The following TRAF3IP2 variants were observed in gnomAD, a reference collection of about 807,000 sequenced individuals.
TRAF3IP2 encodes the protein E3 ubiquitin ligase TRAF3IP2.
A neutral mutation model predicts 57.9 loss-of-function variants in TRAF3IP2; 35 were observed. The observed-to-expected ratio is 0.60, with a 90% CI of 0.46 to 0.80. The LOEUF (loss-of-function observed/expected upper bound fraction) is 0.80. TRAF3IP2 is among the 30% of genes least tolerant of loss of function. The pLI, the probability that TRAF3IP2 is intolerant of heterozygous loss-of-function variation, is 0.00. For synonymous variants in TRAF3IP2, 251 were observed against 268.9 expected (o/e 0.93, Z 0.65); for missense variants, 556 against 706.4 (o/e 0.79, Z 2.41).
intron 6 of TRAF3IP2, chr6:111,567,323 C>T (rs1047354957): frequency 2.7e-6 from 3 of 1,116,588 alleles, no homozygotes; most frequent in African/African-American, 1.6e-5. Flanking sequence ...TTCTGCTGCT[C>T]TCTCCCCACT....
intron 1 of TRAF3IP2, among the ~76,000 whole-genome samples, chr6:111,592,996 C>T (rs1163606256): frequency 6.6e-6 from 1 of 152,170 alleles, no homozygotes; most frequent in Non-Finnish European, 1.5e-5. Flanking sequence ...TTGCTTTTAG[C>T]TGTAAGAAGA....
intron 1 of TRAF3IP2, among the ~76,000 whole-genome samples, chr6:111,605,087 TA>T (rs35611810): frequency 0.11 from 16,981 of 148,262 alleles, 1,089 homozygotes; most frequent in Middle Eastern, 0.21. Context: ...CCTGTTCCTT[TA>T]AAAAAAAAAA....
Position 111,566,438 on chromosome 6 carries a change from A to G in TRAF3IP2, c.1476+6T>C, listed in dbSNP as rs761258390. ...AGTGAGGTGTTGTGATCCCCTCCCC[A>G]CTCACCATTCGATGAATGTACTTAG... On this transcript the variant is annotated splice_donor_region_variant and intron_variant, in intron 7 of 8. Transcript: ENST00000368761. 11 of 1,608,848 alleles carry G rather than the reference A, an allele frequency of 6.8e-6. No individual in the cohort carries two copies. Among genetic ancestry groups the G allele is most frequent in the African/African-American group, 1.3e-5 (1 of 74,744 alleles).
intron 5 of TRAF3IP2, among the ~76,000 whole-genome samples, chr6:111,568,116 C>A (rs1158615360): frequency 6.6e-6 from 1 of 152,144 alleles, no homozygotes; most frequent in Non-Finnish European, 1.5e-5. Context: ...AACTGAGATA[C>A]AATTGTGGTG....
At chr6:111,577,188 T>G (rs1223613833) in intron 3 of TRAF3IP2, 2 of 151,736 alleles carry the variant, frequency 1.3e-5, no homozygotes, top group Non-Finnish European at 2.9e-5. Context: ...CTCATTCCAG[T>G]TCTTTTGCAT....
chr6:111,589,221 T>C (rs1023353842), intron 2 of TRAF3IP2, among the ~76,000 whole-genome samples: 3 of 151,950 alleles, frequency 2.0e-5, no homozygotes, highest in African/African-American at 7.3e-5. Flanking sequence ...CCACAACAAC[T>C]GGCTAATTCT....
intron 1 of TRAF3IP2, among the ~76,000 whole-genome samples, chr6:111,597,196 C>T (rs1796718435): frequency 6.6e-6 from 1 of 152,132 alleles, no homozygotes; most frequent in Non-Finnish European, 1.5e-5. Flanking sequence ...TTATTAAGTG[C>T]CCACTATGTG....
At chr6:111,589,359 T>G (rs1263203721) in intron 2 of TRAF3IP2, among the ~76,000 whole-genome samples, 1 of 152,256 alleles carries the variant, frequency 6.6e-6, no homozygotes, top group Non-Finnish European at 1.5e-5. Context: ...TGAGCCACCG[T>G]GCCTGGTGAA....
chr6:111,595,443 A>G (rs1023971448), intron 1 of TRAF3IP2, among the ~76,000 whole-genome samples: 1 of 152,244 alleles, frequency 6.6e-6, no homozygotes, highest in Non-Finnish European at 1.5e-5. Context: ...GTCCAACTCA[A>G]TGCTGTGTAT....
Position 111,566,577 on chromosome 6 carries a change from GA to G in TRAF3IP2, c.1360-18del. The stretch of plus-strand genomic sequence containing the variant: ...CACGGTCTTCTGTTAATGAGAGGGA[GA>G]AAGGCATGTTTATGGAAGTGTACCA... On this transcript the variant is annotated intron_variant, in intron 6 of 8. Coordinates refer to ENST00000368761, the MANE Select transcript of TRAF3IP2 (RefSeq NM_147686.4). 1 of 1,605,130 alleles carries G rather than the reference GA, an allele frequency of 6.2e-7. No homozygotes were observed. Among genetic ancestry groups the G allele is most frequent in the Non-Finnish European group, 8.5e-7 (1 of 1,171,776 alleles).
intron 5 of TRAF3IP2, among the ~76,000 whole-genome samples, chr6:111,569,969 A>G (rs183083633): frequency 1.4e-4 from 22 of 152,230 alleles, no homozygotes; most frequent in African/African-American, 4.6e-4. Context: ...CAAAATTCCT[A>G]TGTTGAAGCC....
At chr6:111,599,259 G>A (rs2128385669) in intron 1 of TRAF3IP2, among the ~76,000 whole-genome samples, 1 of 152,154 alleles carries the variant, frequency 6.6e-6, no homozygotes, top group South Asian at 2.1e-4. Context: ...ACTGTGAGCT[G>A]TGGTTCTAGC....
chr6:111,564,559 C>G lies in TRAF3IP2; in HGVS notation c.1477-1520G>C, dbSNP rs556784576. Reference sequence around the variant, plus strand: ...ACTCATCAGTACCTCTGCACTACCTCTGTCATGGCCAAGTTCTTGTTGTTC... The same window carrying G: ...ACTCATCAGTACCTCTGCACTACCTGTGTCATGGCCAAGTTCTTGTTGTTC... On this transcript the variant is annotated intron_variant, in intron 7 of 8. Transcript: ENST00000368761. Among the ~76,000 whole-genome samples the G allele has an allele frequency of 4.6e-5, 7 of 152,352 alleles. 1 individual carries two copies. In the South Asian group the frequency reaches 1.4e-3, roughly 32 times the overall value.
intron 3 of TRAF3IP2, among the ~76,000 whole-genome samples, chr6:111,579,437 A>C (rs1562426753): frequency 6.6e-6 from 1 of 152,118 alleles, no homozygotes; most frequent in Non-Finnish European, 1.5e-5. Flanking sequence ...TTTTTATTAC[A>C]AAAGAAAATA....
intron 3 of TRAF3IP2, 87 bp from the exon 4 acceptor site, chr6:111,575,908 A>T: frequency 7.9e-7 from 1 of 1,263,656 alleles, no homozygotes; most frequent in Non-Finnish European, 1.1e-6. Context: ...CTATGGGAAG[A>T]TCCCAGTGGG....
chr6:111,567,273 A>G lies in TRAF3IP2; in HGVS notation c.1359+351T>C, dbSNP rs193222968. 20 of 1,035,076 alleles carry G rather than the reference A, an allele frequency of 1.9e-5. No individual in the cohort carries two copies. In the African/African-American group the frequency reaches 3.2e-4, roughly 17 times the overall value. 64.1% of individuals were successfully genotyped at this position (1,035,076 alleles called of 1,614,324 possible). ...CTGCCTAGGAAACCTCTTCAGCCCA[A>G]TTCTACAAAACACTTGGGGTGGCCT... On this transcript the variant is annotated intron_variant, in intron 6 of 8. Coordinates refer to ENST00000368761, the MANE Select transcript of TRAF3IP2 (RefSeq NM_147686.4).
At chr6:111,605,580 C>T (rs1348622537) in intron 1 of TRAF3IP2, among the ~76,000 whole-genome samples, 196 bp downstream of exon 1, 1 of 152,208 alleles carries the variant, frequency 6.6e-6, no homozygotes, top group Non-Finnish European at 1.5e-5. Context: ...ATACTAGCAA[C>T]ACATCCTTGC....
intron 2 of TRAF3IP2, among the ~76,000 whole-genome samples, chr6:111,590,603 C>T: frequency 6.6e-6 from 1 of 152,026 alleles, no homozygotes; most frequent in Non-Finnish European, 1.5e-5. Context: ...AGGGGAAGAA[C>T]ATCCCCAAGA....
At chr6:111,560,130 G>A (rs1432718303) in intron 8 of TRAF3IP2, among the ~76,000 whole-genome samples, 1 of 150,978 alleles carries the variant, frequency 6.6e-6, no homozygotes, top group Non-Finnish European at 1.5e-5. Flanking sequence ...GATGTATGCT[G>A]TGGAGAAGAA....
Sources: gnomAD v4.1 joint callset for allele counts (sites outside exome capture counted in the v4.1 genomes callset) on GRCh38, gnomAD v4.1.1 for gene constraint, MANE v1.5 for transcripts, NCBI Gene and HGNC (gene_info 2026-07-23, HGNC 2026-07-21) for gene names.